Variants in ANO9 observed in about 807,000 individuals in gnomAD.
ANO9 encodes anoctamin 9, also known as anoctamin-9.
In ANO9, 80 loss-of-function variants were observed where a neutral mutation model predicts 100.5. The ratio of observed to expected loss-of-function variants is 0.80; its 90% CI spans 0.66 to 0.96. The LOEUF is 0.96. Among genes scored for constraint, ANO9 ranks in the 40% least tolerant of loss-of-function variants. The pLI, the probability that ANO9 is intolerant of heterozygous loss-of-function variation, is 0.00. For missense variants in ANO9, 1,064 were observed against 1,072.7 expected (o/e 0.99, Z 0.11); for synonymous variants, 473 against 435.6 (o/e 1.09, Z -1.07).
chr11:432,061 A>C lies in ANO9; in HGVS notation c.351-7T>G, dbSNP rs2037222634. ...CACGATTCGGATTCTGAGACTCAAG[A>C]GCCAGAGCAGGGTGGCCCCGTGTGA... On this transcript the variant is annotated splice_region_variant and splice_polypyrimidine_tract_variant and intron_variant, in intron 4 of 22. Coordinates refer to ENST00000332826, the MANE Select transcript of ANO9 (RefSeq NM_001012302.3). The surrounding 1 kb of genome is among the most constrained non-coding windows in gnomAD (Gnocchi z 4.8). 1 of 1,612,536 alleles carries C rather than the reference A, an allele frequency of 6.2e-7. No individual in the cohort carries two copies. The highest frequency in any genetic ancestry group is 8.5e-7 in the Non-Finnish European group (1 of 1,179,734).
At position 419,571 on chromosome 11, in the gene ANO9, T is replaced by G. The variant is rs1848050519; in HGVS notation, c.1934+11A>C. 1 of 1,612,670 alleles carries G rather than the reference T, an allele frequency of 6.2e-7. No individual in the cohort carries two copies. On this transcript the variant is annotated intron_variant, in intron 20 of 22. Transcript: ENST00000332826. ...TTCTCCCAGGGGTCTCCAGACACCCTGAGGCCTTACTCGACAGTAGAGTTG... is the reference window on the plus strand; with the variant it reads ...TTCTCCCAGGGGTCTCCAGACACCCGGAGGCCTTACTCGACAGTAGAGTTG...
Position 432,201 on chromosome 11 carries a change from C to T in ANO9, c.351-147G>A. 1.2e-6 allele frequency: 1 copy of T among 848,414 alleles called. No homozygotes were observed. Among genetic ancestry groups the T allele is most frequent in the Non-Finnish European group, 1.8e-6 (1 of 548,220 alleles). 52.6% of individuals were successfully genotyped at this position (848,414 alleles called of 1,614,324 possible). On this transcript the variant is annotated intron_variant, in intron 4 of 22. Coordinates refer to ENST00000332826, the MANE Select transcript of ANO9 (RefSeq NM_001012302.3). This position sits in a 1 kb window ranked among gnomAD's most constrained non-coding sequence, Gnocchi z 4.8. ...CCAGCCCTGACCAGAGCCCAGAATC[C>T]ACAACTCACCCGGGAGCCCACCCCG...
In ANO9 at chr11:433,857, T is replaced by C. The variant is rs1449176000; in HGVS notation, c.162A>G (p.Gln54=). ...TTCTCCTGAGCTCCTCCAGGAACTG[T>C]TGCTGCCGCGCCTGCCGGGGGTCTC... ...TQRDPRQARQ[Q]QFLEELRRKG... Residue 54 remains glutamine (Q), a synonymous_variant, in exon 3 of 23, where the codon CAA becomes CAG. Coordinates refer to ENST00000332826, the MANE Select transcript of ANO9 (RefSeq NM_001012302.3). 2.6e-6 allele frequency: 4 copies of C among 1,563,318 alleles called. No individual in the cohort carries two copies. In the Admixed American group the frequency reaches 7.7e-5, roughly 30 times the overall value.
Position 419,653 on chromosome 11 carries a change from A to T in ANO9, c.1863T>A (p.Ser621=). The T allele has an allele frequency of 6.2e-7, 1 of 1,613,584 alleles. No individual in the cohort carries two copies. The highest frequency in any genetic ancestry group is 8.5e-7 in the Non-Finnish European group (1 of 1,179,910). Reference sequence around the variant, plus strand: ...TGTAGACCACTCGGGGGATGAACTCAGATGTGAAGGCAATGACCATCCCAT... The same window carrying T: ...TGTAGACCACTCGGGGGATGAACTCTGATGTGAAGGCAATGACCATCCCAT... The part of the protein sequence containing the change: ...IANGMVIAFT[S]EFIPRVVYKY... Residue 621 remains serine, a synonymous_variant, in exon 20 of 23, where the codon TCT becomes TCA. Coordinates refer to ENST00000332826, the MANE Select transcript of ANO9 (RefSeq NM_001012302.3).
chr11:420,193 C>G, intron 19 of ANO9: 17 of 1,395,190 alleles, frequency 1.2e-5, no homozygotes, highest in Non-Finnish European at 1.6e-5. Flanking sequence ...CAGCCACTGG[C>G]AGAACCTGGG....
At chr11:441,853 C>T (rs1195470510) in intron 1 of ANO9, 68 bp downstream of exon 1, 21 of 1,567,256 alleles carry the variant, frequency 1.3e-5, no homozygotes, top group African/African-American at 4.1e-5. Flanking sequence ...GGGCTGGGGC[C>T]GGGGGCCCCA....
intron 15 of ANO9, among the ~76,000 whole-genome samples, chr11:424,612 T>C (rs1241490108): frequency 2.0e-5 from 3 of 152,200 alleles, no homozygotes; most frequent in Non-Finnish European, 4.4e-5. Flanking sequence ...CCTTGGTCTT[T>C]AATACGAATG....
At position 434,045 on chromosome 11, in the gene ANO9, C is replaced by T. The variant is rs1299603595; in HGVS notation, c.60G>A (p.Leu20=). Residue 20 remains leucine, a synonymous_variant, in exon 2 of 23, where the codon CTG becomes CTA. Coordinates refer to ENST00000332826, the MANE Select transcript of ANO9 (RefSeq NM_001012302.3). ...CCACCTCACAGGTGCTGATCTCCATCAGCGGGAAGCTGTCCCCTTCGGGCT... is the reference window on the plus strand; with the variant it reads ...CCACCTCACAGGTGCTGATCTCCATTAGCGGGAAGCTGTCCCCTTCGGGCT... ...LVEPEGDSFP[L]MEISTCETEA... is the part of the protein sequence containing the mutation. 6.4e-7 allele frequency: 1 copy of T among 1,551,098 alleles called. No homozygotes were observed. The highest frequency in any genetic ancestry group is 1.2e-5 in the South Asian group (1 of 84,106).
At chr11:433,120 G>A (rs1276782952) in intron 4 of ANO9, 194 bp downstream of exon 4, 1 of 700,520 alleles carries the variant, frequency 1.4e-6, no homozygotes, top group Non-Finnish European at 2.2e-6. Flanking sequence ...GAACCACCGT[G>A]ATCCTTTAAT....
chr11:418,426 A>G lies in ANO9; in HGVS notation c.2294T>C (p.Met765Thr). ...GGVGAGSRPP[M>T]PAHPTPASIF... ...GGATGCTGGGGTGGGATGGGCAGGC[A>G]TTGGGGGCCGAGAGCCTGCCCCCAC... The change falls in exon 23 of 23, where the codon ATG (methionine) becomes ACG (threonine). Residue 765 changes from methionine to threonine, a missense_variant. Transcript: ENST00000332826. 1 of 1,612,496 alleles carries G rather than the reference A, an allele frequency of 6.2e-7. No homozygotes were observed. Among genetic ancestry groups the G allele is most frequent in the Non-Finnish European group, 8.5e-7 (1 of 1,179,802 alleles).
At position 418,879 on chromosome 11, in the gene ANO9, G is replaced by T; in HGVS notation, c.2036+9C>A. 1.9e-6 allele frequency: 3 copies of T among 1,613,670 alleles called. No individual in the cohort carries two copies. Among genetic ancestry groups the T allele is most frequent in the East Asian group, 2.2e-5 (1 of 44,886 alleles). ...AGAGGGCATTCTTGGGGGATGGGGA[G>T]TTCCAAACCTGCACAGAGTCACGTT... On this transcript the variant is annotated intron_variant, in intron 21 of 22. Coordinates refer to ENST00000332826, the MANE Select transcript of ANO9 (RefSeq NM_001012302.3).
In ANO9 at chr11:418,798, G is replaced by A. The variant is rs563085071; in HGVS notation, c.2052C>T (p.Arg684=). The A allele has an allele frequency of 4.1e-5, 66 of 1,613,326 alleles. No homozygotes were observed. The African/African-American group carries it at 8.0e-4, about 20-fold the overall frequency. The change falls in exon 22 of 23, where the codon CGC becomes CGT. Residue 684 remains arginine (R), a synonymous_variant. Transcript: ENST00000332826. ...NVTLCRYRDY[R]NPPDYNFSEQ... ...CGGAGAAGTTGTAATCGGGGGGATT[G>A]CGGTAGTCCCTGTATCTGGGGTAAG...
Position 421,239 on chromosome 11 carries a change from C to T in ANO9, c.1335-41G>A, listed in dbSNP as rs773527397. ...AAGTCTGGGGCACTGCGGGCAGCGCCCTGCCTCTGACAGGGTGGGTGCAGC... is the reference window on the plus strand; with the variant it reads ...AAGTCTGGGGCACTGCGGGCAGCGCTCTGCCTCTGACAGGGTGGGTGCAGC... On this transcript the variant is annotated intron_variant, in intron 15 of 22. Coordinates refer to ENST00000332826, the MANE Select transcript of ANO9 (RefSeq NM_001012302.3). This position sits in a 1 kb window ranked among gnomAD's most constrained non-coding sequence, Gnocchi z 6.8. 2.7e-6 allele frequency: 4 copies of T among 1,483,050 alleles called. No individual in the cohort carries two copies. The highest frequency in any genetic ancestry group is 3.6e-6 in the Non-Finnish European group (4 of 1,114,390). 91.9% of individuals were successfully genotyped at this position (1,483,050 alleles called of 1,614,324 possible).
At position 422,185 on chromosome 11, in the gene ANO9, C is replaced by T. The variant is rs1848238299; in HGVS notation, c.1335-987G>A. Among the ~76,000 whole-genome samples the T allele has an allele frequency of 6.6e-6, 1 of 152,216 alleles. No individual in the cohort carries two copies. Among genetic ancestry groups the T allele is most frequent in the Admixed American group, 6.5e-5 (1 of 15,274 alleles). ...TATACCATAACGAGACTGAAACTCA[C>T]AAGGCATCTGTGGGGCCTAAATGAA... On this transcript the variant is annotated intron_variant, in intron 15 of 22. Transcript: ENST00000332826. The surrounding 1 kb of genome is among the most constrained non-coding windows in gnomAD (Gnocchi z 4.3).
intron 1 of ANO9, among the ~76,000 whole-genome samples, chr11:434,909 C>G (rs867406076): frequency 6.6e-6 from 1 of 152,162 alleles, no homozygotes; most frequent in African/African-American, 2.4e-5. Context: ...CACACCTGGT[C>G]CCTGCACCTG....
Sources: gnomAD v4.1 joint callset for allele counts (sites outside exome capture counted in the v4.1 genomes callset) on GRCh38, gnomAD v4.1.1 for gene constraint, Gnocchi (gnomAD v3.1) non-coding constraint, MANE v1.5 for transcripts, NCBI Gene and HGNC (gene_info 2026-07-23, HGNC 2026-07-21) for gene names.